Variants in SH3PXD2B observed in about 807,000 individuals in gnomAD.
SH3PXD2B encodes SH3 and PX domain-containing protein 2B.
A neutral mutation model predicts 73.1 loss-of-function variants in SH3PXD2B; 37 were observed. The ratio of observed to expected loss-of-function variants is 0.51; its 90% CI spans 0.39 to 0.67. The LOEUF (loss-of-function observed/expected upper bound fraction) is 0.67, where lower values mean the gene tolerates loss of function less well. Among genes scored for constraint, SH3PXD2B ranks in the 30% least tolerant of loss-of-function variants. The probability of loss-of-function intolerance (pLI) is 0.00; values close to 1 mark genes in which losing one functional copy is unlikely to be tolerated. For synonymous variants in SH3PXD2B, 457 were observed against 480.5 expected, an observed-to-expected ratio of 0.95 and a Z score of 0.64; for missense variants, 1,053 against 1,197.8, an observed-to-expected ratio of 0.88 and a Z score of 1.78.
chr5:172,410,091 G>C (rs1024896234), intron 2 of SH3PXD2B, among the ~76,000 whole-genome samples: 11 of 152,208 alleles, frequency 7.2e-5, no homozygotes, highest in Admixed American at 3.9e-4. Flanking sequence ...GCTGTGACTA[G>C]AGCTGCAATC....
At chr5:172,441,309 C>T (rs2113506030) in intron 1 of SH3PXD2B, among the ~76,000 whole-genome samples, 1 of 152,320 alleles carries the variant, frequency 6.6e-6, no homozygotes, top group South Asian at 2.1e-4. Flanking sequence ...TGTACTCGGG[C>T]CTGGCTGCCT....
chr5:172,368,630 AATATATATGT>A (rs1757616534), intron 6 of SH3PXD2B, among the ~76,000 whole-genome samples: 2 of 11,554 alleles, frequency 1.7e-4, no homozygotes, highest in South Asian at 6.2e-3. Flanking sequence ...ATATATATAT[AATATATATGT>A]TATATATATA....
chr5:172,362,776 C>A lies in SH3PXD2B; in HGVS notation c.521G>T (p.Ser174Ile). The change falls in exon 7 of 13, where the codon AGC becomes ATC. Residue 174 changes from serine to isoleucine, a missense_variant. This residue lies in a region of SH3PXD2B where 466 missense variants were observed against 607.1 expected (regional missense o/e 0.77). Coordinates refer to ENST00000311601, the MANE Select transcript of SH3PXD2B (RefSeq NM_001017995.3). ...GATGATGTCCACCACCTGCCCCACG[C>A]TGAGGCTGATCTCCGAACTCTCCTG... is the stretch of plus-strand genomic sequence containing the variant. ...QKQESSEISL[S>I]VGQVVDIIEK... The A allele has an allele frequency of 6.2e-7, 1 of 1,614,168 alleles. No individual in the cohort carries two copies. The highest frequency in any genetic ancestry group is 8.5e-7 in the Non-Finnish European group (1 of 1,180,028).
chr5:172,385,495 G>A (rs1758040453), intron 4 of SH3PXD2B, among the ~76,000 whole-genome samples: 1 of 152,232 alleles, frequency 6.6e-6, no homozygotes, highest in African/African-American at 2.4e-5. Context: ...CAGGGTGGCA[G>A]CTGTTCCTCC....
At chr5:172,326,636 G>A (rs1220141088) in intron 12 of SH3PXD2B, among the ~76,000 whole-genome samples, 1 of 152,106 alleles carries the variant, frequency 6.6e-6, no homozygotes, top group Non-Finnish European at 1.5e-5. Flanking sequence ...ACTAGGCAGG[G>A]GTTGTCAAGC....
intron 1 of SH3PXD2B, among the ~76,000 whole-genome samples, chr5:172,449,718 G>A (rs1464563171): frequency 6.6e-6 from 1 of 152,116 alleles, no homozygotes; most frequent in Non-Finnish European, 1.5e-5. Context: ...CTGATGATAC[G>A]GAGTGTTAGC....
intron 12 of SH3PXD2B, among the ~76,000 whole-genome samples, chr5:172,341,890 C>T (rs367665512): frequency 1.3e-5 from 2 of 152,062 alleles, no homozygotes; most frequent in East Asian, 1.9e-4. Flanking sequence ...ATCTCCTGAC[C>T]TCGTGATCTG....
intron 5 of SH3PXD2B, among the ~76,000 whole-genome samples, chr5:172,379,935 C>T (rs2113368248): frequency 6.6e-6 from 1 of 152,312 alleles, no homozygotes; most frequent in South Asian, 2.1e-4. Flanking sequence ...CTCAGGCTGA[C>T]CTGGGGAAAA....
intron 8 of SH3PXD2B, among the ~76,000 whole-genome samples, chr5:172,355,047 G>T (rs963692902): frequency 6.6e-6 from 1 of 152,212 alleles, no homozygotes; most frequent in Non-Finnish European, 1.5e-5. Flanking sequence ...AAATGGATGT[G>T]TGTCTCAAGG....
chr5:172,356,979 A>G (rs1464107178), intron 8 of SH3PXD2B, among the ~76,000 whole-genome samples: 1 of 152,118 alleles, frequency 6.6e-6, no homozygotes, highest in Non-Finnish European at 1.5e-5. Context: ...TCTAGTAGAC[A>G]TAATTCCATT....
intron 2 of SH3PXD2B, among the ~76,000 whole-genome samples, chr5:172,420,189 C>T (rs560886583): frequency 5.1e-4 from 78 of 152,340 alleles, no homozygotes; most frequent in African/African-American, 1.9e-3. Context: ...GCATCTTTAA[C>T]TTATAGCTGC....
intron 1 of SH3PXD2B, among the ~76,000 whole-genome samples, chr5:172,423,684 C>G (rs917313487): frequency 2.6e-5 from 4 of 152,056 alleles, no homozygotes; most frequent in African/African-American, 9.7e-5. Flanking sequence ...GGGAGTCTAG[C>G]TCTGTCACCC....
chr5:172,354,906 C>A, intron 8 of SH3PXD2B, among the ~76,000 whole-genome samples: 1 of 152,224 alleles, frequency 6.6e-6, no homozygotes, highest in Non-Finnish European at 1.5e-5. Context: ...CTGCGTCCCT[C>A]CCACAGTAGC....
At chr5:172,331,628 G>A (rs542320145), downstream of SH3PXD2B, among the ~76,000 whole-genome samples, 18 of 152,272 alleles carry the variant, frequency 1.2e-4, no homozygotes, top group South Asian at 6.2e-4. Context: ...GAGAGGGTGA[G>A]GCAGCTGGAT....
Position 172,334,225 on chromosome 5 carries a change from C to A in SH3PXD2B, c.*4144G>T. 1.8e-6 allele frequency: 2 copies of A among 1,083,946 alleles called. No homozygotes were observed. Among genetic ancestry groups the A allele is most frequent in the Non-Finnish European group, 2.2e-6 (2 of 892,988 alleles). 67.1% of individuals were successfully genotyped at this position (1,083,946 alleles called of 1,614,324 possible). ...CCAGATGCCACCCCACGGAGCTGGG[C>A]AGTCCAGTCTGTAGAAAGGTGCTCT... is the stretch of plus-strand genomic sequence containing the variant. On this transcript the variant is annotated 3_prime_UTR_variant, in exon 13 of 13. Coordinates refer to ENST00000311601, the MANE Select transcript of SH3PXD2B (RefSeq NM_001017995.3).
chr5:172,357,455 G>A (rs1561902017), intron 8 of SH3PXD2B, among the ~76,000 whole-genome samples: 3 of 152,028 alleles, frequency 2.0e-5, no homozygotes, highest in East Asian at 1.9e-4. Context: ...ACCTGTGGTC[G>A]AGGGAAGAAA....
chr5:172,349,480 T>C (rs1343160618), intron 10 of SH3PXD2B, among the ~76,000 whole-genome samples: 1 of 151,982 alleles, frequency 6.6e-6, no homozygotes, highest in Non-Finnish European at 1.5e-5. Context: ...AATGGTAAAA[T>C]ATACACGAGG....
intron 3 of SH3PXD2B, among the ~76,000 whole-genome samples, chr5:172,398,947 A>G (rs1758368506): frequency 6.6e-6 from 1 of 152,204 alleles, no homozygotes; most frequent in Admixed American, 6.5e-5. Context: ...ATAGTTCAAC[A>G]TAATGATTTA....
intron 4 of SH3PXD2B, among the ~76,000 whole-genome samples, chr5:172,386,203 A>C (rs1758056577): frequency 1.3e-5 from 2 of 152,310 alleles, no homozygotes; most frequent in African/African-American, 4.8e-5. Flanking sequence ...GAAATAAAGA[A>C]CACCCATCTT....
Sources: allele counts gnomAD v4.1 joint callset (sites outside exome capture counted in the v4.1 genomes callset), GRCh38; gene constraint gnomAD v4.1.1; regional missense constraint gnomAD v4.1.1; transcripts MANE v1.5; gene names NCBI Gene and HGNC (gene_info 2026-07-23, HGNC 2026-07-21).